Variants in CLSTN2 observed in about 807,000 individuals in gnomAD.
The protein encoded by CLSTN2 is calsyntenin-2.
CLSTN2 carries 48 observed loss-of-function variants against 101.2 expected under a neutral mutation model. The observed-to-expected ratio is 0.47, with a 90% CI of 0.38 to 0.60. The LOEUF is 0.60. Among genes scored for constraint, CLSTN2 ranks in the 20% least tolerant of loss-of-function variants. The pLI is 0.00. For missense variants in CLSTN2, 1,160 were observed against 1,238.2 expected, an observed-to-expected ratio of 0.94 and a Z score of 0.95; for synonymous variants, 481 against 463.6, an observed-to-expected ratio of 1.04 and a Z score of -0.48.
intron 2 of CLSTN2, among the ~76,000 whole-genome samples, chr3:140,349,826 T>C (rs1297915870): frequency 6.6e-6 from 1 of 152,208 alleles, no homozygotes; most frequent in African/African-American, 2.4e-5. Flanking sequence ...GTTGCTAGCA[T>C]GGAGTGAGCA....
intron 2 of CLSTN2, among the ~76,000 whole-genome samples, chr3:140,325,795 C>T (rs902616951): frequency 6.6e-6 from 1 of 152,174 alleles, no homozygotes; most frequent in Non-Finnish European, 1.5e-5. Flanking sequence ...GGGACAAATA[C>T]AGAATGTGAA....
At chr3:140,497,102 A>G (rs1934482663) in intron 8 of CLSTN2, among the ~76,000 whole-genome samples, 1 of 144,466 alleles carries the variant, frequency 6.9e-6, no homozygotes. Flanking sequence ...CTCCGTCTCA[A>G]AAAAAAAAAA....
At chr3:140,559,780 G>C (rs1935872644) in intron 12 of CLSTN2, among the ~76,000 whole-genome samples, 3 of 152,146 alleles carry the variant, frequency 2.0e-5, no homozygotes, top group African/African-American at 7.2e-5. Context: ...AGGAGCTGCT[G>C]TTATAATAAT....
At chr3:140,036,712 G>T (rs2007662109) in intron 1 of CLSTN2, among the ~76,000 whole-genome samples, 1 of 151,216 alleles carries the variant, frequency 6.6e-6, no homozygotes, top group South Asian at 2.1e-4. Flanking sequence ...CACATCAGTG[G>T]GCATGCTAGA....
chr3:140,221,975 C>T (rs2086278020), intron 2 of CLSTN2, among the ~76,000 whole-genome samples: 1 of 151,456 alleles, frequency 6.6e-6, no homozygotes, highest in Non-Finnish European at 1.5e-5. Flanking sequence ...GGATATATTC[C>T]CCAAAGAAAG....
chr3:140,138,626 G>GCC, intron 1 of CLSTN2, among the ~76,000 whole-genome samples: 1 of 152,256 alleles, frequency 6.6e-6, no homozygotes, highest in East Asian at 1.9e-4. Context: ...GAGTTTTGTG[G>GCC]CCCCGGAAAG....
At chr3:139,938,815 C>T (rs1935073572) in intron 1 of CLSTN2, among the ~76,000 whole-genome samples, 1 of 152,196 alleles carries the variant, frequency 6.6e-6, no homozygotes, top group South Asian at 2.1e-4. Context: ...TCATTTGGAA[C>T]AATACTCAAG....
At chr3:140,444,133 A>G (rs897331310) in intron 5 of CLSTN2, among the ~76,000 whole-genome samples, 34 of 152,338 alleles carry the variant, frequency 2.2e-4, no homozygotes, top group African/African-American at 7.9e-4. Context: ...GCAAATCCTC[A>G]GAATAGTGGA....
At chr3:140,142,001 A>C (rs979346116) in intron 1 of CLSTN2, among the ~76,000 whole-genome samples, 1 of 152,244 alleles carries the variant, frequency 6.6e-6, no homozygotes, top group Admixed American at 6.5e-5. Context: ...GGAACTGTTC[A>C]ACTGGGATAA....
rs376445882 is a variant in CLSTN2 at position 140,176,060 on chromosome 3, G to T, written c.219G>T (p.Pro73=). Reference sequence around the variant, plus strand: ...TGGTAGCCCTGGATAAAGATGCACCGGTTCCTTTTGCAGGTGAGATTATGG... The same window carrying T: ...TGGTAGCCCTGGATAAAGATGCACCTGTTCCTTTTGCAGGTGAGATTATGG... ...PPLVALDKDA[P]VPFAGEICAF... Residue 73 remains proline (P), a synonymous_variant, in exon 2 of 17, where the codon CCG becomes CCT. Coordinates refer to ENST00000458420, the MANE Select transcript of CLSTN2 (RefSeq NM_022131.3). 1.2e-6 allele frequency: 2 copies of T among 1,613,664 alleles called. No homozygotes were observed. Among genetic ancestry groups the T allele is most frequent in the South Asian group, 2.2e-5 (2 of 91,034 alleles).
At chr3:140,242,067 C>T (rs1432171101) in intron 2 of CLSTN2, among the ~76,000 whole-genome samples, 1 of 151,944 alleles carries the variant, frequency 6.6e-6, no homozygotes, top group Non-Finnish European at 1.5e-5. Flanking sequence ...GCCACCATGC[C>T]TGGCTGGCTA....
At chr3:140,557,270 G>T (rs1345062642) in intron 11 of CLSTN2, among the ~76,000 whole-genome samples, 2 of 152,130 alleles carry the variant, frequency 1.3e-5, no homozygotes, top group East Asian at 3.9e-4. Flanking sequence ...GTGCAGTCAT[G>T]CTGCACCTAG....
intron 2 of CLSTN2, among the ~76,000 whole-genome samples, chr3:140,187,532 C>T (rs532962842): frequency 5.8e-4 from 88 of 152,248 alleles, no homozygotes; most frequent in African/African-American, 1.7e-3. Context: ...CATAGTCTTT[C>T]CTTTTCAGAG....
chr3:140,061,194 T>C (rs1313665740), intron 1 of CLSTN2, among the ~76,000 whole-genome samples: 1 of 152,182 alleles, frequency 6.6e-6, no homozygotes, highest in African/African-American at 2.4e-5. Flanking sequence ...CAACTTCTAT[T>C]TTGCAACCAA....
chr3:140,333,623 C>A (rs538444152), intron 2 of CLSTN2, among the ~76,000 whole-genome samples: 3 of 151,976 alleles, frequency 2.0e-5, no homozygotes, highest in African/African-American at 7.3e-5. Flanking sequence ...CCACATTAGG[C>A]ATTTCATCAT....
At chr3:140,017,952 A>G (rs970661437) in intron 1 of CLSTN2, among the ~76,000 whole-genome samples, 21 of 152,248 alleles carry the variant, frequency 1.4e-4, no homozygotes, top group Admixed American at 9.8e-4. Flanking sequence ...AATAACTCTG[A>G]CAGTGGAGGA....
chr3:140,432,046 A>G (rs2088637171), intron 5 of CLSTN2, among the ~76,000 whole-genome samples: 1 of 152,192 alleles, frequency 6.6e-6, no homozygotes, highest in African/African-American at 2.4e-5. Context: ...AATCCATAGA[A>G]TTGAGTAAGG....
intron 2 of CLSTN2, among the ~76,000 whole-genome samples, chr3:140,265,585 C>T (rs937064758): frequency 6.6e-6 from 1 of 152,162 alleles, no homozygotes. Flanking sequence ...TGATTAAGCG[C>T]AGTTTCAATG....
chr3:140,425,651 T>C (rs1000744036), intron 5 of CLSTN2, among the ~76,000 whole-genome samples: 4 of 152,140 alleles, frequency 2.6e-5, no homozygotes, highest in African/African-American at 9.7e-5. Flanking sequence ...CACTCACCAA[T>C]GGGCAGGGTG....
Sources: allele counts gnomAD v4.1 joint callset (sites outside exome capture counted in the v4.1 genomes callset), GRCh38; gene constraint gnomAD v4.1.1; transcripts MANE v1.5; gene names NCBI Gene and HGNC (gene_info 2026-07-23, HGNC 2026-07-21).